SPAG16: variants seen among roughly 807,000 people sequenced by gnomAD.
The protein encoded by SPAG16 is sperm-associated antigen 16 protein.
In SPAG16, 86 loss-of-function variants were observed where a neutral mutation model predicts 80.4. That is an observed-to-expected ratio of 1.07 (90% CI 0.90 to 1.28). SPAG16 has a LOEUF of 1.28. Ranked by LOEUF, SPAG16 falls within the 50% of genes most tolerant of loss-of-function variation. SPAG16 has a pLI of 0.00. For synonymous variants in SPAG16, 294 were observed against 265.9 expected (o/e 1.11, Z -1.03); for missense variants, 870 against 765.3 (o/e 1.14, Z -1.61).
chr2:214,313,353 C>A (rs1695460809), intron 15 of SPAG16, among the ~76,000 whole-genome samples: 1 of 152,094 alleles, frequency 6.6e-6, no homozygotes, highest in Non-Finnish European at 1.5e-5. Context: ...TAAGGACTTT[C>A]TTTTCCCTGG....
At chr2:213,833,443 A>G (rs13417867) in intron 10 of SPAG16, among the ~76,000 whole-genome samples, 154 of 2,642 alleles carry the variant, frequency 0.058, 3 homozygotes, top group Non-Finnish European at 0.34. Flanking sequence ...GTGTGTGTGT[A>G]TATATATATA....
intron 10 of SPAG16, among the ~76,000 whole-genome samples, chr2:213,652,924 T>C (rs948251478): frequency 2.0e-5 from 3 of 152,184 alleles, no homozygotes; most frequent in Non-Finnish European, 4.4e-5. Flanking sequence ...TGCCTAGCTC[T>C]TGGTCCCAAA....
intron 11 of SPAG16, among the ~76,000 whole-genome samples, chr2:213,909,058 T>G (rs2077547834): frequency 6.6e-6 from 1 of 151,840 alleles, no homozygotes; most frequent in African/African-American, 2.4e-5. Context: ...TGTACAAAAA[T>G]CACAAGCATT....
At chr2:213,832,784 C>A (rs1020205021) in intron 10 of SPAG16, among the ~76,000 whole-genome samples, 19 of 152,154 alleles carry the variant, frequency 1.2e-4, no homozygotes, top group African/African-American at 4.1e-4. Context: ...TTCTTTGGGC[C>A]TTTGGATCTT....
chr2:214,092,972 G>T (rs2052326263), intron 13 of SPAG16, among the ~76,000 whole-genome samples: 1 of 152,074 alleles, frequency 6.6e-6, no homozygotes, highest in South Asian at 2.1e-4. Context: ...CAAACTCATA[G>T]AACCATTCTC....
At chr2:213,880,375 A>T (rs771976415) in intron 11 of SPAG16, among the ~76,000 whole-genome samples, 5 of 152,172 alleles carry the variant, frequency 3.3e-5, no homozygotes, top group Admixed American at 1.3e-4. Flanking sequence ...TCTGTATATT[A>T]AACTTTTGCC....
intron 10 of SPAG16, among the ~76,000 whole-genome samples, chr2:213,608,551 A>AT (rs1181547625): frequency 2.6e-5 from 4 of 152,102 alleles, no homozygotes; most frequent in African/African-American, 9.7e-5. Context: ...TATATGCCAC[A>AT]TTTTCTTAAT....
At chr2:214,012,288 A>ATATATTT (rs1553694500) in intron 12 of SPAG16, among the ~76,000 whole-genome samples, 17 of 46,806 alleles carry the variant, frequency 3.6e-4, no homozygotes, top group African/African-American at 1.5e-3. Flanking sequence ...ATATATATAT[A>ATATATTT]TTTTTTTTTT....
chr2:213,830,823 C>A (rs965611185), intron 10 of SPAG16, among the ~76,000 whole-genome samples: 3 of 151,950 alleles, frequency 2.0e-5, no homozygotes, highest in African/African-American at 7.3e-5. Context: ...TTTTATGATT[C>A]CTATTTTGTT....
chr2:213,534,390 A>C (rs956173216), intron 10 of SPAG16, among the ~76,000 whole-genome samples: 23 of 152,144 alleles, frequency 1.5e-4, no homozygotes, highest in African/African-American at 5.5e-4. Flanking sequence ...GCATAAGTAT[A>C]TACCCCAATA....
chr2:214,098,283 C>CTT (rs1480240506), intron 13 of SPAG16, among the ~76,000 whole-genome samples: 3 of 152,174 alleles, frequency 2.0e-5, no homozygotes, highest in Admixed American at 2.0e-4. Context: ...ATAAAGATAT[C>CTT]TGTAGCTCTT....
chr2:213,396,023 CTTTCT>C (rs147437148), intron 9 of SPAG16, among the ~76,000 whole-genome samples: 32,928 of 151,862 alleles, frequency 0.22, 4,349 homozygotes, highest in Non-Finnish European at 0.31. Context: ...TGCTTCTGGA[CTTTCT>C]TTTATGTTTC....
chr2:213,584,191 T>A (rs2060388448), intron 10 of SPAG16, among the ~76,000 whole-genome samples: 1 of 152,098 alleles, frequency 6.6e-6, no homozygotes, highest in African/African-American at 2.4e-5. Flanking sequence ...GATTTTTTTT[T>A]ATACTAGTCC....
At chr2:213,454,907 ACC>A (rs1182439385) in intron 9 of SPAG16, among the ~76,000 whole-genome samples, 1 of 152,088 alleles carries the variant, frequency 6.6e-6, no homozygotes, top group East Asian at 1.9e-4. Context: ...TTAGACACAC[ACC>A]CCTTTTAGAG....
intron 15 of SPAG16, among the ~76,000 whole-genome samples, chr2:214,165,521 C>G: frequency 1.8e-5 from 1 of 56,458 alleles, no homozygotes; most frequent in Non-Finnish European, 3.4e-5. Flanking sequence ...AAATTGACAT[C>G]CAGTTTGTTT....
intron 15 of SPAG16, among the ~76,000 whole-genome samples, chr2:214,232,620 A>T (rs575935726): frequency 2.0e-5 from 3 of 152,154 alleles, no homozygotes. Flanking sequence ...GATTTACTCA[A>T]TTTATTCTAA....
intron 10 of SPAG16, among the ~76,000 whole-genome samples, chr2:213,795,102 G>A (rs1575157441): frequency 1.3e-5 from 2 of 152,226 alleles, no homozygotes; most frequent in Middle Eastern, 6.8e-3. Context: ...CCCCATTTCA[G>A]TATATCATTA....
intron 13 of SPAG16, among the ~76,000 whole-genome samples, chr2:214,107,697 T>C (rs1307994905): frequency 6.6e-6 from 1 of 152,210 alleles, no homozygotes; most frequent in Non-Finnish European, 1.5e-5. Flanking sequence ...AAAATGCCAC[T>C]GTATATATTT....
intron 9 of SPAG16, among the ~76,000 whole-genome samples, chr2:213,431,497 TAAAA>T (rs60221504): frequency 1.3e-5 from 2 of 149,654 alleles, no homozygotes; most frequent in Admixed American, 6.7e-5. Context: ...TCAGAAACTG[TAAAA>T]AAAAAGAAAA....
Sources: allele counts gnomAD v4.1 joint callset (sites outside exome capture counted in the v4.1 genomes callset), GRCh38; gene constraint gnomAD v4.1.1; transcripts MANE v1.5; gene names NCBI Gene and HGNC (gene_info 2026-07-23, HGNC 2026-07-21).